Variants in IL17RD observed in about 807,000 individuals in gnomAD.
The protein encoded by IL17RD is interleukin 17 receptor D, also known as interleukin-17 receptor D.
A neutral mutation model predicts 80.5 loss-of-function variants in IL17RD; 52 were observed. The observed-to-expected ratio is 0.65, with a 90% confidence interval of 0.52 to 0.81. IL17RD has a LOEUF of 0.81. Among genes scored for constraint, IL17RD ranks in the 40% least tolerant of loss-of-function variants. The pLI is 0.00. For synonymous variants in IL17RD, 416 were observed against 391.8 expected (o/e 1.06, Z -0.73); for missense variants, 1,024 against 955.1 (o/e 1.07, Z -0.95).
In IL17RD at chr3:57,132,415, G is replaced by A. The variant is rs2004936; in HGVS notation, c.127-12102C>T. Among the ~76,000 whole-genome samples, 1,018 of 152,140 alleles carry A rather than the reference G, an allele frequency of 6.7e-3. 18 individuals are homozygous for A. The highest frequency in any genetic ancestry group is 0.023 in the African/African-American group (968 of 41,474). On this transcript the variant is annotated intron_variant, in intron 1 of 12. Coordinates refer to ENST00000296318, the MANE Select transcript of IL17RD (RefSeq NM_017563.5). ...GCAGAGGTTGCAGTGAGCCGAGATC[G>A]CACCACTGCACTCTAGCCTGGGCGA... is the stretch of plus-strand genomic sequence containing the variant.
chr3:57,121,577 G>GT (rs1707339089), intron 1 of IL17RD, among the ~76,000 whole-genome samples: 1 of 152,160 alleles, frequency 6.6e-6, no homozygotes, highest in East Asian at 1.9e-4. Flanking sequence ...CTTCTTCATA[G>GT]TTCACCTTCC....
In IL17RD at chr3:57,148,098, G is replaced by C. The variant is rs377488251; in HGVS notation, c.126+17063C>G. The stretch of plus-strand genomic sequence containing the variant: ...TTGGGAGGCCAAGGTTGGGGGGGGG[G>C]GGGGGGCGATCGCTAGGTCAAGAGT... On this transcript the variant is annotated intron_variant, in intron 1 of 12. Transcript: ENST00000296318. Among the ~76,000 whole-genome samples the C allele has an allele frequency of 1.3e-4, 15 of 112,832 alleles. 1 individual carries two copies. Among genetic ancestry groups the C allele is most frequent in the South Asian group, 9.2e-4 (2 of 2,182 alleles). The allele number at this position is 112,832 out of a possible 152,430, so 74.0% of individuals were successfully genotyped here.
Position 57,101,102 on chromosome 3 carries a change from AGAG to A in IL17RD, c.1164+74_1164+76del, listed in dbSNP as rs144675412. 49,032 of 1,203,518 alleles carry A rather than the reference AGAG, an allele frequency of 0.041. 1,176 individuals carry two copies. Among genetic ancestry groups the A allele is most frequent in the Non-Finnish European group, 0.051 (42,797 of 846,392 alleles). 74.6% of individuals were successfully genotyped at this position (1,203,518 alleles called of 1,614,324 possible). On this transcript the variant is annotated intron_variant, in intron 11 of 12. Coordinates refer to ENST00000296318, the MANE Select transcript of IL17RD (RefSeq NM_017563.5). ...GGTGTCACCACAGGAGGCCCAGAAG[AGAG>A]GAGAAGGCAGCGGGGAGAGAGTACA... is the stretch of plus-strand genomic sequence containing the variant.
intron 1 of IL17RD, 119 bp from the exon 2 acceptor site, chr3:57,120,432 G>A: frequency 2.8e-6 from 2 of 706,464 alleles, no homozygotes; most frequent in Non-Finnish European, 2.5e-6. Flanking sequence ...CCAGTCCCCG[G>A]ACATCATCCA....
intron 4 of IL17RD, 116 bp downstream of exon 4, chr3:57,110,077 G>T: frequency 8.5e-7 from 1 of 1,182,568 alleles, no homozygotes; most frequent in Non-Finnish European, 1.2e-6. Context: ...TGCCCACCTT[G>T]GCGGGTGGGG....
At chr3:57,125,877 G>A (rs1161995929) in intron 1 of IL17RD, among the ~76,000 whole-genome samples, 1 of 152,206 alleles carries the variant, frequency 6.6e-6, no homozygotes, top group African/African-American at 2.4e-5. Context: ...TCCTGGGCCT[G>A]ACACATAGTC....
intron 1 of IL17RD, among the ~76,000 whole-genome samples, chr3:57,159,875 G>A (rs1579324778): frequency 1.3e-5 from 2 of 152,322 alleles, no homozygotes; most frequent in Admixed American, 1.3e-4. Flanking sequence ...GAAGCAGGCT[G>A]AAGAGGCAGT....
At chr3:57,126,540 G>C (rs1707462762) in intron 1 of IL17RD, among the ~76,000 whole-genome samples, 1 of 152,246 alleles carries the variant, frequency 6.6e-6, no homozygotes, top group African/African-American at 2.4e-5. Context: ...GCTAGGGGCA[G>C]CCATGAAGGT....
In IL17RD at chr3:57,110,230, T is replaced by G. The variant is rs184758350; in HGVS notation, c.392A>C (p.Lys131Thr). The G allele has an allele frequency of 1.1e-3, 1,842 of 1,607,560 alleles. 8 individuals are homozygous for G. Among genetic ancestry groups the G allele is most frequent in the South Asian group, 2.8e-3 (249 of 89,266 alleles). Residue 131 changes from lysine to threonine, a missense_variant, in exon 4 of 13, where the codon AAG becomes ACG. Transcript: ENST00000296318. Reference sequence around the variant, plus strand: ...GCTACTGTTGAGCTGCTTCGGATCCTTTAGAATCAGTTGTTGGCACTGTCT... The same window carrying G: ...GCTACTGTTGAGCTGCTTCGGATCCGTTAGAATCAGTTGTTGGCACTGTCT... The part of the protein sequence containing the change: ...EGRQCQQLIL[K>T]DPKQLNSSFK...
intron 2 of IL17RD, 114 bp downstream of exon 2, chr3:57,120,142 A>AG (rs1707302196): frequency 1.2e-6 from 1 of 801,500 alleles, no homozygotes; most frequent in Admixed American, 2.1e-5. Flanking sequence ...AAACCTGAAC[A>AG]GGTTCAGAAA....
At chr3:57,105,037 G>GAGTT (rs1179200392) in intron 7 of IL17RD, among the ~76,000 whole-genome samples, 1 of 152,162 alleles carries the variant, frequency 6.6e-6, no homozygotes, top group Admixed American at 6.5e-5. Flanking sequence ...AGTAGCCACT[G>GAGTT]AGTTATCAGT....
At chr3:57,166,504 A>AAAACAAAC (rs6147832), upstream of IL17RD, among the ~76,000 whole-genome samples, 20 of 150,952 alleles carry the variant, frequency 1.3e-4, no homozygotes, top group South Asian at 6.3e-4. Flanking sequence ...CCTGTCTCTA[A>AAAACAAAC]AAACAAACAA....
At position 57,098,210 on chromosome 3, in the gene IL17RD, T is replaced by C; in HGVS notation, c.1493A>G (p.Tyr498Cys). 1 of 1,613,916 alleles carries C rather than the reference T, an allele frequency of 6.2e-7. No individual in the cohort carries two copies. Among genetic ancestry groups the C allele is most frequent in the Non-Finnish European group, 8.5e-7 (1 of 1,179,840 alleles). The change falls in exon 12 of 13, where the codon TAC becomes TGC. Residue 498 changes from tyrosine to cysteine, a missense_variant. By Grantham distance (194) the Tyr-to-Cys change is radical. Transcript: ENST00000296318. ...CTGAGGAAGATTGTCCATGAGTCTG[T>C]ACTTGGTACTCAGGTCTAGGATACC... ...VPGILDLSTK[Y>C]RLMDNLPQLC... is the part of the protein sequence containing the mutation.
At chr3:57,105,762 A>G in intron 7 of IL17RD, 95 bp downstream of exon 7, 1 of 1,017,720 alleles carries the variant, frequency 9.8e-7, no homozygotes, top group Non-Finnish European at 1.4e-6. Flanking sequence ...GAGAGCCAAC[A>G]AAGCCTAATG....
rs201532439 is a variant in IL17RD, at chr3:57,097,612, G to C, written c.2091C>G (p.Ser697=). 4.4e-6 allele frequency: 7 copies of C among 1,577,612 alleles called. No individual in the cohort carries two copies. In the Admixed American group the frequency reaches 1.3e-4, roughly 29 times the overall value. The change falls in exon 12 of 13, where the codon TCC becomes TCG. Residue 697 remains serine (S), a synonymous_variant. Transcript: ENST00000296318. ...GCACCTTACCCAGGCCTGAAGAGGA[G>C]GACACGCTCTCCGTCAGGGAAGACG... is the stretch of plus-strand genomic sequence containing the variant. ...TETSSLTESV[S]SSSGLGEEEP...
At chr3:57,152,626 T>G (rs2060235489) in intron 1 of IL17RD, among the ~76,000 whole-genome samples, 1 of 152,208 alleles carries the variant, frequency 6.6e-6, no homozygotes, top group African/African-American at 2.4e-5. Context: ...TTAACTTACT[T>G]TGAAAAATGA....
chr3:57,143,937 T>TATCA (rs1464483734), intron 1 of IL17RD, among the ~76,000 whole-genome samples: 1 of 152,220 alleles, frequency 6.6e-6, no homozygotes, highest in African/African-American at 2.4e-5. Context: ...GCAAGAGGCA[T>TATCA]ATCAGAACTG....
chr3:57,140,105 C>G (rs998514033), intron 1 of IL17RD, among the ~76,000 whole-genome samples: 3 of 152,214 alleles, frequency 2.0e-5, no homozygotes, highest in African/African-American at 4.8e-5. Flanking sequence ...AGAGGCAAGG[C>G]TGTGCTCAGA....
chr3:57,136,163 G>T (rs1285554832), intron 1 of IL17RD, among the ~76,000 whole-genome samples: 1 of 152,152 alleles, frequency 6.6e-6, no homozygotes, highest in Non-Finnish European at 1.5e-5. Context: ...CATTACAGCC[G>T]TGTGGAAACC....
Sources: allele counts gnomAD v4.1 joint callset (sites outside exome capture counted in the v4.1 genomes callset), GRCh38; gene constraint gnomAD v4.1.1; transcripts MANE v1.5; gene names NCBI Gene and HGNC (gene_info 2026-07-23, HGNC 2026-07-21).